The following SCAPER variants were observed in gnomAD, a reference collection of about 807,000 sequenced individuals.
SCAPER encodes the protein S-phase cyclin A associated protein in the ER.
Under a neutral mutation model 182.2 loss-of-function variants are expected in SCAPER, and 98 were observed. The ratio of observed to expected loss-of-function variants is 0.54; its 90% CI spans 0.46 to 0.64. SCAPER has a LOEUF of 0.64. SCAPER is among the 30% of genes least tolerant of loss of function. The pLI is 0.00. For synonymous variants in SCAPER, 605 were observed against 564.6 expected, an observed-to-expected ratio of 1.07 and a Z score of -1.01; for missense variants, 1,432 against 1,690.0, an observed-to-expected ratio of 0.85 and a Z score of 2.68.
intron 1 of SCAPER, among the ~76,000 whole-genome samples, chr15:76,888,116 G>C (rs1387159242): frequency 6.6e-6 from 1 of 152,302 alleles, no homozygotes; most frequent in Admixed American, 6.5e-5. Context: ...CTAACAAACA[G>C]AAAGGAATAG....
chr15:76,576,034 T>C lies in SCAPER; in HGVS notation c.2712-1750A>G, dbSNP rs140445469. Reference sequence around the variant, plus strand: ...TCATTAGATATTTAATAAATTCATGTCCTACAGAGAAAACTTCTTCTTTAC... The same window carrying C: ...TCATTAGATATTTAATAAATTCATGCCCTACAGAGAAAACTTCTTCTTTAC... On this transcript the variant is annotated intron_variant, in intron 22 of 31. Transcript: ENST00000563290. 1.5e-3 allele frequency among the ~76,000 whole-genome samples: 228 copies of C among 152,330 alleles called. 2 individuals carry two copies. The highest frequency in any genetic ancestry group is 5.0e-3 in the African/African-American group (207 of 41,562).
At chr15:76,726,607 C>T (rs1013803924) in intron 17 of SCAPER, among the ~76,000 whole-genome samples, 2 of 151,626 alleles carry the variant, frequency 1.3e-5, no homozygotes, top group African/African-American at 4.8e-5. Flanking sequence ...GTTGCTTCAA[C>T]AAAGAAATGA....
chr15:76,613,104 C>G (rs1211543047), intron 22 of SCAPER, among the ~76,000 whole-genome samples: 3 of 152,100 alleles, frequency 2.0e-5, no homozygotes, highest in African/African-American at 4.8e-5. Flanking sequence ...ATAGAGCGCC[C>G]AGAAATAAAG....
chr15:76,457,194 C>A (rs1373702540), intron 25 of SCAPER, among the ~76,000 whole-genome samples: 1 of 152,094 alleles, frequency 6.6e-6, no homozygotes, highest in Non-Finnish European at 1.5e-5. Context: ...TCCCAAGCAG[C>A]TGGGACTACA....
intron 7 of SCAPER, among the ~76,000 whole-genome samples, chr15:76,796,532 G>A (rs2065339253): frequency 6.6e-6 from 1 of 152,180 alleles, no homozygotes; most frequent in Non-Finnish European, 1.5e-5. Flanking sequence ...AAGCAGAAGT[G>A]AGTAGATATA....
intron 23 of SCAPER, among the ~76,000 whole-genome samples, chr15:76,565,350 T>C (rs548133369): frequency 5.9e-5 from 9 of 152,112 alleles, no homozygotes; most frequent in African/African-American, 2.2e-4. Flanking sequence ...AATAACCCCA[T>C]TACAAAGTGG....
chr15:76,712,364 G>A (rs1467289158), intron 17 of SCAPER, among the ~76,000 whole-genome samples: 2 of 152,156 alleles, frequency 1.3e-5, no homozygotes, highest in Non-Finnish European at 2.9e-5. Flanking sequence ...TTTGAAGTCA[G>A]GTAGTGTGAT....
intron 15 of SCAPER, among the ~76,000 whole-genome samples, chr15:76,750,691 A>G (rs2062036492): frequency 6.6e-6 from 1 of 151,922 alleles, no homozygotes; most frequent in African/African-American, 2.4e-5. Flanking sequence ...AGAAGAAAAC[A>G]TTTGACAATT....
intron 17 of SCAPER, among the ~76,000 whole-genome samples, chr15:76,728,147 A>C (rs1211872416): frequency 6.6e-6 from 1 of 151,928 alleles, no homozygotes; most frequent in African/African-American, 2.4e-5. Flanking sequence ...CAAGTGATTA[A>C]AACTAAGGGA....
intron 2 of SCAPER, among the ~76,000 whole-genome samples, chr15:76,881,208 G>A (rs1254554031): frequency 6.6e-6 from 1 of 152,186 alleles, no homozygotes; most frequent in Non-Finnish European, 1.5e-5. Context: ...CGATTCTCAT[G>A]CCTCAGCCTC....
intron 20 of SCAPER, among the ~76,000 whole-genome samples, chr15:76,699,382 T>C (rs1187890375): frequency 6.6e-6 from 1 of 152,188 alleles, no homozygotes; most frequent in East Asian, 1.9e-4. Flanking sequence ...CCCTCCACTA[T>C]GATGTTGGCT....
At chr15:76,568,625 G>A (rs2047215208) in intron 23 of SCAPER, among the ~76,000 whole-genome samples, 1 of 151,990 alleles carries the variant, frequency 6.6e-6, no homozygotes, top group Non-Finnish European at 1.5e-5. Context: ...GCAAAGTGCT[G>A]GTCATATTGT....
intron 25 of SCAPER, among the ~76,000 whole-genome samples, chr15:76,435,837 C>G (rs1422688049): frequency 6.6e-6 from 1 of 152,166 alleles, no homozygotes; most frequent in East Asian, 1.9e-4. Context: ...GTTTAGAAGT[C>G]TCTAATTCCT....
intron 17 of SCAPER, among the ~76,000 whole-genome samples, chr15:76,724,967 G>A (rs992790649): frequency 6.6e-6 from 1 of 152,086 alleles, no homozygotes; most frequent in African/African-American, 2.4e-5. Flanking sequence ...TGTTGCTGGT[G>A]AGGAGCTGCA....
At chr15:76,895,437 A>G (rs1462626876) in intron 1 of SCAPER, among the ~76,000 whole-genome samples, 1 of 152,188 alleles carries the variant, frequency 6.6e-6, no homozygotes, top group Non-Finnish European at 1.5e-5. Flanking sequence ...GTGAAAATTT[A>G]AAAGCTTTTC....
rs572162630 is a variant in SCAPER, at chr15:76,867,222, C to A, written c.7-4689G>T. On this transcript the variant is annotated intron_variant, in intron 2 of 31. Coordinates refer to ENST00000563290, the MANE Select transcript of SCAPER (RefSeq NM_020843.4). Reference sequence around the variant, plus strand: ...TCTCCATAAAACTTTCTACTTTATACAAGTTCTTCAAAATCCATTCATACC... The same window carrying A: ...TCTCCATAAAACTTTCTACTTTATAAAAGTTCTTCAAAATCCATTCATACC... Among the ~76,000 whole-genome samples, 5 of 152,254 alleles carry A rather than the reference C, an allele frequency of 3.3e-5. 1 individual carries two copies. In the South Asian group the frequency reaches 1.0e-3, roughly 32 times the overall value.
chr15:76,490,054 C>G (rs1453370450), intron 24 of SCAPER, among the ~76,000 whole-genome samples: 1 of 152,266 alleles, frequency 6.6e-6, no homozygotes, highest in Admixed American at 6.5e-5. Flanking sequence ...TGTCAATGGA[C>G]ATTCAAGTTG....
At chr15:76,728,529 G>A (rs1282772859) in intron 17 of SCAPER, 66 bp downstream of exon 17, 1 of 1,599,706 alleles carries the variant, frequency 6.3e-7, no homozygotes, top group South Asian at 1.1e-5. Context: ...ACAGTAAATG[G>A]CTTTAAGACC....
chr15:76,352,395 C>T (rs1222698562), intron 30 of SCAPER, among the ~76,000 whole-genome samples: 4 of 151,968 alleles, frequency 2.6e-5, no homozygotes, highest in Non-Finnish European at 5.9e-5. Flanking sequence ...ACACCTTACA[C>T]ACTCAAAAAT....
Sources: allele counts gnomAD v4.1 joint callset (sites outside exome capture counted in the v4.1 genomes callset), GRCh38; gene constraint gnomAD v4.1.1; transcripts MANE v1.5; gene names NCBI Gene and HGNC (gene_info 2026-07-23, HGNC 2026-07-21).